Variants in GDPGP1 observed in about 807,000 individuals in gnomAD.
GDPGP1 encodes GDP-D-glucose phosphorylase C15orf58.
In GDPGP1, 18 loss-of-function variants were observed where a neutral mutation model predicts 19.2. The ratio of observed to expected loss-of-function variants is 0.94; its 90% CI spans 0.65 to 1.39. The LOEUF (loss-of-function observed/expected upper bound fraction) is 1.39. Among genes scored for constraint, GDPGP1 ranks in the 40% most tolerant of loss-of-function variants. GDPGP1 has a pLI of 0.00. For synonymous variants in GDPGP1, 219 were observed against 208.9 expected, an observed-to-expected ratio of 1.05 and a Z score of -0.42; for missense variants, 449 against 490.5, an observed-to-expected ratio of 0.92 and a Z score of 0.80.
rs746535811 is a variant in GDPGP1, at chr15:90,241,539, T to G, written c.631T>G (p.Leu211Val). Residue 211 changes from leucine to valine, a missense_variant, in exon 4 of 4, where the codon TTG becomes GTG. Coordinates refer to ENST00000329600, the MANE Select transcript of GDPGP1 (RefSeq NM_001013657.3). ...TGTCGGCTTCAACAGCCTGGGAGGC[T>G]TGGCCTCGGTGAACCACCTCCACCT... ...FRVGFNSLGG[L>V]ASVNHLHLHG... 1 of 1,613,414 alleles carries G rather than the reference T, an allele frequency of 6.2e-7. No homozygotes were observed. The highest frequency in any genetic ancestry group is 1.3e-5 in the African/African-American group (1 of 75,068).
chr15:90,239,238 TAA>T (rs1202699303), intron 3 of GDPGP1, among the ~76,000 whole-genome samples: 1 of 151,672 alleles, frequency 6.6e-6, no homozygotes, highest in Admixed American at 6.6e-5. Flanking sequence ...GTTTCTCCAT[TAA>T]AAAAATTTAC....
At chr15:90,239,841 C>T (rs1041917633) in intron 3 of GDPGP1, among the ~76,000 whole-genome samples, 8 of 152,210 alleles carry the variant, frequency 5.3e-5, no homozygotes, top group African/African-American at 1.9e-4. Context: ...GAAAGAATCC[C>T]TTGAGCCTGG....
rs1491141891 is a variant in GDPGP1 at position 90,243,639 on chromosome 15, GGT to G, written c.*1574_*1575del. On this transcript the variant is annotated 3_prime_UTR_variant, in exon 4 of 4. Coordinates refer to ENST00000329600, the MANE Select transcript of GDPGP1 (RefSeq NM_001013657.3). ...TAAGATGCCACCACACCTTGGTGCAGGTTTTTTTTTTTTTTTTTTTTTTTTTT... is the reference window on the plus strand; with the variant it reads ...TAAGATGCCACCACACCTTGGTGCAGTTTTTTTTTTTTTTTTTTTTTTTTT... The G allele has an allele frequency of 6.2e-5, 6 of 96,882 alleles. No homozygotes were observed. The highest frequency in any genetic ancestry group is 9.7e-5 in the Non-Finnish European group (5 of 51,306). The allele number at this position is 96,882 out of a possible 1,614,324, so 6.0% of individuals were successfully genotyped here.
rs1402269492 is a variant in GDPGP1 at position 90,241,514 on chromosome 15, T to C, written c.606T>C (p.Arg202=). The change falls in exon 4 of 4, where the codon CGT becomes CGC. Residue 202 remains arginine, a synonymous_variant. Coordinates refer to ENST00000329600, the MANE Select transcript of GDPGP1 (RefSeq NM_001013657.3). ...AVLLSLHPGF[R]VGFNSLGGLA... ...TGCTGAGCTTACACCCGGGCTTCCG[T>C]GTCGGCTTCAACAGCCTGGGAGGCT... 1 of 1,613,708 alleles carries C rather than the reference T, an allele frequency of 6.2e-7. No individual in the cohort carries two copies.
chr15:90,239,835 GAATCCCTTGAGCCTGGGAGGTC>G (rs1211300547), intron 3 of GDPGP1, among the ~76,000 whole-genome samples: 1 of 152,236 alleles, frequency 6.6e-6, no homozygotes. Context: ...TGAGGTGAAA[GAATCCCTTGAGCCTGGGAGGTC>G]AAGGCTTCAG....
In GDPGP1 at chr15:90,242,177, T is replaced by A; in HGVS notation, c.*111T>A. On this transcript the variant is annotated 3_prime_UTR_variant, in exon 4 of 4. Transcript: ENST00000329600. ...ATCCTGGCTCACTGTAGCCTCCACC[T>A]CTGGGGCTGAAGTGATCCTCCCACC... The A allele has an allele frequency of 4.7e-6, 4 of 846,656 alleles. No individual in the cohort carries two copies. The highest frequency in any genetic ancestry group is 1.8e-5 in the South Asian group (1 of 55,126). The allele number at this position is 846,656 out of a possible 1,614,324, so 52.4% of individuals were successfully genotyped here.
At chr15:90,238,019 G>T (rs1740570212) in intron 2 of GDPGP1, among the ~76,000 whole-genome samples, 1 of 152,098 alleles carries the variant, frequency 6.6e-6, no homozygotes, top group African/African-American at 2.4e-5. Flanking sequence ...AACATTTTTG[G>T]CCAGGTGCGG....
chr15:90,241,725 G>T lies in GDPGP1; in HGVS notation c.817G>T (p.Val273Leu). 1 of 1,614,238 alleles carries T rather than the reference G, an allele frequency of 6.2e-7. No individual in the cohort carries two copies. The highest frequency in any genetic ancestry group is 8.5e-7 in the Non-Finnish European group (1 of 1,180,036). The change falls in exon 4 of 4, where the codon GTA (valine) becomes TTA (leucine). Residue 273 changes from valine (V) to leucine (L), a missense_variant. Coordinates refer to ENST00000329600, the MANE Select transcript of GDPGP1 (RefSeq NM_001013657.3). ...TGACTTGGAGTCCTTGATAAGCAGG[G>T]TATGTCGGGCCACTGATTATCTGAC... ...GPDLESLISR[V>L]CRATDYLTDH...
chr15:90,241,041 A>G lies in GDPGP1; in HGVS notation c.133A>G (p.Arg45Gly), dbSNP rs1328775029. ...DLMAEGIQWP[R>G]NAPGIPDALP... is the part of the protein sequence containing the mutation. ...CATGGCAGAAGGGATTCAGTGGCCA[A>G]GGAATGCACCTGGCATCCCAGATGC... The change falls in exon 4 of 4, where the codon AGG becomes GGG. Residue 45 changes from arginine to glycine, a missense_variant. Coordinates refer to ENST00000329600, the MANE Select transcript of GDPGP1 (RefSeq NM_001013657.3). 2 of 1,614,026 alleles carry G rather than the reference A, an allele frequency of 1.2e-6. No homozygotes were observed. Among genetic ancestry groups the G allele is most frequent in the Non-Finnish European group, 1.7e-6 (2 of 1,179,986 alleles).
Position 90,242,220 on chromosome 15 carries a change from T to TGAGACTATAG in GDPGP1, c.*156_*165dup. On this transcript the variant is annotated 3_prime_UTR_variant, in exon 4 of 4. Coordinates refer to ENST00000329600, the MANE Select transcript of GDPGP1 (RefSeq NM_001013657.3). ...CTCCCACCTCAGCCTCTTGAGTAGC[T>TGAGACTATAG]GAGACTATAGGCGTGCACCACCACA... 1.7e-6 allele frequency: 1 copy of TGAGACTATAG among 574,434 alleles called. No homozygotes were observed. The highest frequency in any genetic ancestry group is 3.0e-6 in the Non-Finnish European group (1 of 332,690). The allele number at this position is 574,434 out of a possible 1,614,324, so 35.6% of individuals were successfully genotyped here.
At chr15:90,237,646 A>G (rs1047388717) in intron 2 of GDPGP1, among the ~76,000 whole-genome samples, 3 of 152,074 alleles carry the variant, frequency 2.0e-5, no homozygotes, top group Non-Finnish European at 2.9e-5. Flanking sequence ...AAACATCCCA[A>G]ATGTGCTTGT....
intron 3 of GDPGP1, 128 bp downstream of exon 3, chr15:90,238,676 G>A (rs1252768292): frequency 6.6e-6 from 1 of 152,170 alleles, no homozygotes; most frequent in East Asian, 1.9e-4. Context: ...TGAAAGGTTG[G>A]CCCTGGACAC....
intron 3 of GDPGP1, 101 bp from the exon 4 acceptor site, chr15:90,240,799 G>A: frequency 1.4e-6 from 1 of 732,098 alleles, no homozygotes; most frequent in Non-Finnish European, 2.2e-6. Context: ...GGGTGACAGA[G>A]TGAGACTCCA....
chr15:90,238,166 GA>G (rs1432731004), intron 2 of GDPGP1, among the ~76,000 whole-genome samples: 4 of 152,076 alleles, frequency 2.6e-5, no homozygotes, highest in African/African-American at 9.7e-5. Context: ...CGGGCGTGGT[GA>G]CACACACCTG....
chr15:90,243,282 AG>A lies in GDPGP1; in HGVS notation c.*1217del, dbSNP rs1204652228. ...TCCCTGCCACCTTGAGCTTTCCTCT[AG>A]CCCCCAACACCAAGTTGAATGCTCT... On this transcript the variant is annotated 3_prime_UTR_variant, in exon 4 of 4. Transcript: ENST00000329600. The A allele has an allele frequency of 1.3e-5, 2 of 152,188 alleles. No individual in the cohort carries two copies. Among genetic ancestry groups the A allele is most frequent in the Admixed American group, 6.5e-5 (1 of 15,276 alleles). The allele number at this position is 152,188 out of a possible 1,614,324, so 9.4% of individuals were successfully genotyped here.
rs766084622 is a variant in GDPGP1, at chr15:90,242,022, G to A, written c.1114G>A (p.Val372Ile). 3.6e-5 allele frequency: 58 copies of A among 1,613,700 alleles called. No individual in the cohort carries two copies. The highest frequency in any genetic ancestry group is 4.2e-5 in the Non-Finnish European group (50 of 1,179,810). Residue 372 changes from valine (V) to isoleucine (I), a missense_variant, in exon 4 of 4, where the codon GTA (valine) becomes ATA (isoleucine). Val to Ile is a conservative substitution (Grantham distance 29, BLOSUM62 3). Transcript: ENST00000329600. Reference sequence around the variant, plus strand: ...GCTGCCCCCATCCCAGGCAGAAGACGTACAGGCAGCACTGGTGGCCCTGAT... The same window carrying A: ...GCTGCCCCCATCCCAGGCAGAAGACATACAGGCAGCACTGGTGGCCCTGAT... Reference protein sequence around the residue: ...CRLPPSQAEDVQAALVALMSQ... With the variant: ...CRLPPSQAEDIQAALVALMSQ...
intron 2 of GDPGP1, among the ~76,000 whole-genome samples, chr15:90,235,820 G>A (rs573062309): frequency 2.0e-5 from 3 of 151,962 alleles, no homozygotes; most frequent in African/African-American, 4.8e-5. Flanking sequence ...CGCCCACCTC[G>A]GCCTCTCAAA....
chr15:90,241,460 T>G lies in GDPGP1; in HGVS notation c.552T>G (p.Gly184=). 1.2e-6 allele frequency: 2 copies of G among 1,613,622 alleles called. No homozygotes were observed. Among genetic ancestry groups the G allele is most frequent in the South Asian group, 2.2e-5 (2 of 91,080 alleles). ...ARQLPQRLLP[G]ALRAGIEAVL... ...AGCTCCCCCAGCGCCTGCTGCCGGG[T>G]GCACTGAGGGCAGGGATTGAGGCTG... The change falls in exon 4 of 4, where the codon GGT becomes GGG. Residue 184 remains glycine (G), a synonymous_variant. Coordinates refer to ENST00000329600, the MANE Select transcript of GDPGP1 (RefSeq NM_001013657.3).
chr15:90,236,890 T>C (rs112943161), intron 2 of GDPGP1, among the ~76,000 whole-genome samples: 5,130 of 152,184 alleles, frequency 0.034, 305 homozygotes, highest in African/African-American at 0.12. Flanking sequence ...GGTTAGCATA[T>C]TGTCCCTCCT....
Sources: gnomAD v4.1 joint callset for allele counts (sites outside exome capture counted in the v4.1 genomes callset) on GRCh38, gnomAD v4.1.1 for gene constraint, MANE v1.5 for transcripts, NCBI Gene and HGNC (gene_info 2026-07-23, HGNC 2026-07-21) for gene names.